PDE4D: variants seen among roughly 807,000 people sequenced by gnomAD.
PDE4D encodes the protein 3',5'-cyclic-AMP phosphodiesterase 4D.
Under a neutral mutation model 87.4 loss-of-function variants are expected in PDE4D, and 24 were observed. That is an observed-to-expected ratio of 0.27 (90% CI 0.20 to 0.39). PDE4D has a LOEUF of 0.39. PDE4D is among the 10% of genes least tolerant of loss of function. The probability of loss-of-function intolerance (pLI) is 1.00; values close to 1 mark genes in which losing one functional copy is unlikely to be tolerated. For synonymous variants in PDE4D, 384 were observed against 383.2 expected (o/e 1.00, Z -0.02); for missense variants, 714 against 1,041.0 (o/e 0.69, Z 4.32).
chr5:59,749,812 A>C (rs1760162817), intron 1 of PDE4D, among the ~76,000 whole-genome samples: 1 of 152,084 alleles, frequency 6.6e-6, no homozygotes. Context: ...CAAACTTCAG[A>C]CTCATACATT....
chr5:58,976,070 T>C (rs573792825), intron 13 of PDE4D, among the ~76,000 whole-genome samples: 1 of 152,292 alleles, frequency 6.6e-6, no homozygotes, highest in East Asian at 1.9e-4. Context: ...AGAAACTGTT[T>C]ATGTGCATGG....
intron 1 of PDE4D, among the ~76,000 whole-genome samples, chr5:59,688,754 A>C (rs1176162460): frequency 6.6e-6 from 1 of 152,128 alleles, no homozygotes; most frequent in African/African-American, 2.4e-5. Context: ...ACACAAAAAA[A>C]CCCTTCAAAA....
intron 1 of PDE4D, among the ~76,000 whole-genome samples, chr5:59,617,070 CTTAT>C (rs1034515051): frequency 6.6e-6 from 1 of 151,368 alleles, no homozygotes; most frequent in Non-Finnish European, 1.5e-5. Context: ...ATCTTCTCTT[CTTAT>C]TTGCTATCAA....
chr5:58,993,557 A>C, intron 6 of PDE4D, 92 bp from the exon 7 acceptor site: 1 of 734,024 alleles, frequency 1.4e-6, no homozygotes, highest in Non-Finnish European at 2.2e-6. Context: ...GATATGCCCA[A>C]AGAATTTTTA....
At position 59,278,061 on chromosome 5, in the gene PDE4D, C is replaced by T. The variant is rs191383793; in HGVS notation, c.456-62093G>A. ...TTGCCATTACAGAGAAAGAAAGATG[C>T]GCTATGTTGTAAGACCATTGAGATT... On this transcript the variant is annotated intron_variant, in intron 1 of 14. Transcript: ENST00000340635. Among the ~76,000 whole-genome samples the T allele has an allele frequency of 2.3e-3, 354 of 152,068 alleles. No homozygotes were observed. In the Middle Eastern group the frequency reaches 0.024, roughly 10 times the overall value.
chr5:59,202,033 A>ATTTTTTTTTTTTTTTTTTTTTT lies in PDE4D; in HGVS notation c.648-8498_648-8497insAAAAAAAAAAAAAAAAAAAAAA, dbSNP rs10641798. On this transcript the variant is annotated intron_variant, in intron 2 of 14. Coordinates refer to ENST00000340635, the MANE Select transcript of PDE4D (RefSeq NM_001104631.2). ...ATGCAGCTTTTCTGGTGTTTTGATC[A>ATTTTTTTTTTTTTTTTTTTTTT]TTTTTTTTTTTTTTTTTTTTTCTGA... Among the ~76,000 whole-genome samples the ATTTTTTTTTTTTTTTTTTTTTT allele has an allele frequency of 3.1e-5, 3 of 95,258 alleles. 1 individual carries two copies. The highest frequency in any genetic ancestry group is 1.9e-5 in the Non-Finnish European group (1 of 53,336). The allele number at this position is 95,258 out of a possible 152,430, so 62.5% of individuals were successfully genotyped here. A position where few individuals can be genotyped will look rare whatever the true frequency, so the allele number is the denominator to read the frequency against.
At chr5:59,677,919 C>G (rs1257097249) in intron 1 of PDE4D, among the ~76,000 whole-genome samples, 2 of 152,116 alleles carry the variant, frequency 1.3e-5, no homozygotes, top group East Asian at 1.9e-4. Flanking sequence ...TGATTATCTC[C>G]TCCATTAAAT....
chr5:59,509,289 C>G (rs986898205), intron 1 of PDE4D, among the ~76,000 whole-genome samples: 1 of 151,652 alleles, frequency 6.6e-6, no homozygotes, highest in Non-Finnish European at 1.5e-5. Flanking sequence ...GCATACACAA[C>G]AAAACTACCT....
intron 1 of PDE4D, among the ~76,000 whole-genome samples, chr5:60,404,890 C>T (rs1741408876): frequency 6.6e-6 from 1 of 152,168 alleles, no homozygotes. Context: ...ACCCAGATCA[C>T]CATCAGGAAC....
chr5:60,272,419 A>C (rs970492094), intron 1 of PDE4D, among the ~76,000 whole-genome samples: 5 of 152,248 alleles, frequency 3.3e-5, no homozygotes, highest in Admixed American at 1.3e-4. Flanking sequence ...AATGAACTGC[A>C]ATCTTTTAAA....
At chr5:59,422,404 T>C (rs988255644) in intron 1 of PDE4D, among the ~76,000 whole-genome samples, 14 of 152,186 alleles carry the variant, frequency 9.2e-5, no homozygotes, top group Non-Finnish European at 1.6e-4. Context: ...GACTATTGTT[T>C]CAAAGGCTGT....
intron 1 of PDE4D, among the ~76,000 whole-genome samples, chr5:60,340,664 A>T (rs1293775702): frequency 1.3e-5 from 2 of 152,070 alleles, no homozygotes; most frequent in Non-Finnish European, 2.9e-5. Flanking sequence ...TTCAGGCCTT[A>T]AATAAAATTT....
intron 1 of PDE4D, among the ~76,000 whole-genome samples, chr5:59,649,863 C>T (rs1054788954): frequency 8.1e-6 from 1 of 122,878 alleles, no homozygotes; most frequent in African/African-American, 3.0e-5. Context: ...TGGGAAACAA[C>T]AATCAACTAT....
At chr5:60,475,817 T>A (rs1748263263) in intron 1 of PDE4D, among the ~76,000 whole-genome samples, 1 of 93,610 alleles carries the variant, frequency 1.1e-5, no homozygotes, top group African/African-American at 4.0e-5. Context: ...CTCTCATCTG[T>A]TAAATGAAAA....
chr5:60,077,078 G>A (rs1773378229), intron 2 of PDE4D, among the ~76,000 whole-genome samples: 1 of 152,194 alleles, frequency 6.6e-6, no homozygotes, highest in Non-Finnish European at 1.5e-5. Context: ...CAAGGCAGGG[G>A]TGACTCTGCT....
chr5:59,307,429 C>A (rs553946606), intron 1 of PDE4D, among the ~76,000 whole-genome samples: 2 of 151,948 alleles, frequency 1.3e-5, no homozygotes, highest in Non-Finnish European at 2.9e-5. Context: ...AGGCAACCTA[C>A]AAAATGGGAG....
intron 1 of PDE4D, among the ~76,000 whole-genome samples, chr5:59,708,397 T>A (rs552732027): frequency 5.9e-5 from 9 of 152,130 alleles, no homozygotes; most frequent in African/African-American, 1.9e-4. Flanking sequence ...TTTGAAAAAA[T>A]TAATAGATAG....
chr5:59,607,642 A>C (rs1828393292), intron 1 of PDE4D, among the ~76,000 whole-genome samples: 1 of 152,072 alleles, frequency 6.6e-6, no homozygotes, highest in South Asian at 2.1e-4. Flanking sequence ...GTGAGATGTC[A>C]GTAGAGGAGG....
chr5:59,825,721 GAAC>G (rs2152692365), intron 1 of PDE4D, among the ~76,000 whole-genome samples: 2 of 152,258 alleles, frequency 1.3e-5, no homozygotes, highest in Non-Finnish European at 2.9e-5. Flanking sequence ...CTTCTGAGTT[GAAC>G]AACTTGAGCT....
Sources: gnomAD v4.1 joint callset for allele counts (sites outside exome capture counted in the v4.1 genomes callset) on GRCh38, gnomAD v4.1.1 for gene constraint, MANE v1.5 for transcripts, NCBI Gene and HGNC (gene_info 2026-07-23, HGNC 2026-07-21) for gene names.